Variants in LGR5 observed in about 807,000 individuals in gnomAD.
LGR5 encodes the protein leucine rich repeat containing G protein-coupled receptor 5, also known as leucine-rich repeat-containing G protein-coupled receptor 5.
LGR5 carries 54 observed loss-of-function variants against 76.7 expected under a neutral mutation model. The ratio of observed to expected loss-of-function variants is 0.70; its 90% CI spans 0.57 to 0.88. The LOEUF is 0.88. Ranked by LOEUF, LGR5 falls within the 40% of genes least tolerant of loss-of-function variation. The pLI, the probability that LGR5 is intolerant of heterozygous loss-of-function variation, is 0.00. For missense variants in LGR5, 1,078 were observed against 1,073.3 expected (o/e 1.00, Z -0.06); for synonymous variants, 406 against 421.9 (o/e 0.96, Z 0.46).
chr12:71,498,610 C>T (rs923643493), intron 1 of LGR5, among the ~76,000 whole-genome samples: 2 of 152,174 alleles, frequency 1.3e-5, no homozygotes, highest in East Asian at 1.9e-4. Context: ...ATGGGGGCTC[C>T]TCTTTCATGA....
intron 1 of LGR5, among the ~76,000 whole-genome samples, chr12:71,467,150 A>G (rs1052312461): frequency 2.0e-5 from 3 of 152,188 alleles, no homozygotes; most frequent in African/African-American, 7.2e-5. Context: ...GGAATTTTCC[A>G]AGGTCACAAA....
Position 71,535,707 on chromosome 12 carries a change from C to T in LGR5, c.428+521C>T, listed in dbSNP as rs1399945384. On this transcript the variant is annotated intron_variant, in intron 4 of 17. Coordinates refer to ENST00000266674, the MANE Select transcript of LGR5 (RefSeq NM_003667.4). Reference sequence around the variant, plus strand: ...TCTACTGGTATATCCTGAAGCTTCCCCATCACAGAACACAGATGTGCAGAC... The same window carrying T: ...TCTACTGGTATATCCTGAAGCTTCCTCATCACAGAACACAGATGTGCAGAC... Among the ~76,000 whole-genome samples the T allele has an allele frequency of 3.3e-5, 5 of 152,098 alleles. 1 individual carries two copies. The highest frequency in any genetic ancestry group is 3.3e-4 in the Admixed American group (5 of 15,264).
chr12:71,562,842 T>C (rs1002528687), intron 8 of LGR5, among the ~76,000 whole-genome samples: 1 of 152,156 alleles, frequency 6.6e-6, no homozygotes, highest in African/African-American at 2.4e-5. Context: ...GTGACGGGCT[T>C]TCTGGGACCA....
At position 71,535,062 on chromosome 12, in the gene LGR5, C is replaced by T. The variant is rs1040368786; in HGVS notation, c.357-53C>T. On this transcript the variant is annotated intron_variant, in intron 3 of 17. Coordinates refer to ENST00000266674, the MANE Select transcript of LGR5 (RefSeq NM_003667.4). ...GGAACAGTGCCTGGCCTTGTTTAGG[C>T]CTGTTATTGTTCATTTTTTTTAACA... 6 of 1,265,040 alleles carry T rather than the reference C, an allele frequency of 4.7e-6. No homozygotes were observed. In the African/African-American group the frequency reaches 7.4e-5, roughly 16 times the overall value. The allele number at this position is 1,265,040 out of a possible 1,614,324, so 78.4% of individuals were successfully genotyped here.
At chr12:71,443,055 T>C (rs1437673154) in intron 1 of LGR5, among the ~76,000 whole-genome samples, 1 of 152,124 alleles carries the variant, frequency 6.6e-6, no homozygotes, top group Non-Finnish European at 1.5e-5. Context: ...TTGTAAGAGG[T>C]TATCATCATT....
intron 2 of LGR5, among the ~76,000 whole-genome samples, chr12:71,506,856 CT>C (rs1484053323): frequency 6.6e-6 from 1 of 152,054 alleles, no homozygotes; most frequent in Non-Finnish European, 1.5e-5. Context: ...TGGTTTATTC[CT>C]TTGTTCCCAA....
At chr12:71,519,319 C>G (rs979710167) in intron 2 of LGR5, among the ~76,000 whole-genome samples, 1 of 152,122 alleles carries the variant, frequency 6.6e-6, no homozygotes, top group Non-Finnish European at 1.5e-5. Context: ...AGCACGTCAC[C>G]GCCACAACCA....
At chr12:71,560,884 A>C (rs952331539) in intron 7 of LGR5, among the ~76,000 whole-genome samples, 1 of 152,230 alleles carries the variant, frequency 6.6e-6, no homozygotes, top group African/African-American at 2.4e-5. Flanking sequence ...AATGAATCTT[A>C]TTTAATTCTA....
intron 3 of LGR5, 99 bp from the exon 4 acceptor site, chr12:71,535,016 T>G: frequency 1.4e-6 from 1 of 709,676 alleles, no homozygotes; most frequent in Non-Finnish European, 2.4e-6. Context: ...TGTCTGATGC[T>G]CTGTTGTTTT....
chr12:71,451,158 T>G (rs1030156881), intron 1 of LGR5, among the ~76,000 whole-genome samples: 1 of 152,178 alleles, frequency 6.6e-6, no homozygotes, highest in African/African-American at 2.4e-5. Context: ...AGAGGGAAAG[T>G]GAAGAACAGT....
chr12:71,563,872 G>A (rs2436650), intron 8 of LGR5, among the ~76,000 whole-genome samples: 115,148 of 135,384 alleles, frequency 0.85, 51,692 homozygotes, highest in Non-Finnish European at 0.98. Context: ...GTGTGTGTGT[G>A]TATATAGTGT....
At chr12:71,555,445 A>G (rs1410784484) in intron 5 of LGR5, among the ~76,000 whole-genome samples, 3 of 152,204 alleles carry the variant, frequency 2.0e-5, no homozygotes, top group Non-Finnish European at 2.9e-5. Context: ...TGACTTACCA[A>G]TTGAACCAAA....
At chr12:71,547,327 A>T (rs889031600) in intron 4 of LGR5, among the ~76,000 whole-genome samples, 2 of 152,224 alleles carry the variant, frequency 1.3e-5, no homozygotes, top group African/African-American at 4.8e-5. Flanking sequence ...TAGCTGCTGA[A>T]CATAGATTAA....
Position 71,564,732 on chromosome 12 carries a change from TAC to T in LGR5, c.858-1665_858-1664del, listed in dbSNP as rs1382504354. On this transcript the variant is annotated intron_variant, in intron 8 of 17. Transcript: ENST00000266674. Reference sequence around the variant, plus strand: ...GTATATATACATATATACATATATGTACACACACTGTATATATATACATATAT... The same window carrying T: ...GTATATATACATATATACATATATGTACACACTGTATATATATACATATAT... 5.8e-4 allele frequency among the ~76,000 whole-genome samples: 37 copies of T among 64,092 alleles called. 1 individual carries two copies. The highest frequency in any genetic ancestry group is 2.3e-3 in the South Asian group (4 of 1,776). The allele number at this position is 64,092 out of a possible 152,430, so 42.0% of individuals were successfully genotyped here.
chr12:71,546,802 G>A (rs1877193545), intron 4 of LGR5, among the ~76,000 whole-genome samples: 1 of 152,180 alleles, frequency 6.6e-6, no homozygotes, highest in South Asian at 2.1e-4. Flanking sequence ...TGCAAACCTT[G>A]AAGACTGCTG....
intron 1 of LGR5, among the ~76,000 whole-genome samples, chr12:71,462,097 A>G (rs1268061415): frequency 6.6e-6 from 1 of 152,122 alleles, no homozygotes; most frequent in African/African-American, 2.4e-5. Context: ...TGCCACTGCC[A>G]AATCAGTCTT....
At chr12:71,488,326 A>C (rs1873924689) in intron 1 of LGR5, among the ~76,000 whole-genome samples, 1 of 152,196 alleles carries the variant, frequency 6.6e-6, no homozygotes. Context: ...TACTTAAGTC[A>C]CCTATAGGTT....
intron 1 of LGR5, among the ~76,000 whole-genome samples, chr12:71,495,048 G>A (rs573074357): frequency 6.7e-6 from 1 of 150,200 alleles, no homozygotes; most frequent in Admixed American, 6.6e-5. Flanking sequence ...GATACACCCG[G>A]TGGCATGGCC....
chr12:71,576,241 AAAATT>A (rs1878850231), intron 13 of LGR5, among the ~76,000 whole-genome samples: 3 of 152,332 alleles, frequency 2.0e-5, no homozygotes, highest in Admixed American at 6.5e-5. Context: ...CCTGGAACTT[AAAATT>A]AAATTAAATT....
Sources: gnomAD v4.1 joint callset for allele counts (sites outside exome capture counted in the v4.1 genomes callset) on GRCh38, gnomAD v4.1.1 for gene constraint, MANE v1.5 for transcripts, NCBI Gene and HGNC (gene_info 2026-07-23, HGNC 2026-07-21) for gene names.